The following TMEM231 variants were observed in gnomAD, a reference collection of about 807,000 sequenced individuals.
The protein encoded by TMEM231 is transmembrane protein 231.
In TMEM231, 40 loss-of-function variants were observed where a neutral mutation model predicts 38.5. That is an observed-to-expected ratio of 1.04 (90% CI 0.81 to 1.35). The LOEUF is 1.35. Ranked by LOEUF, TMEM231 falls within the 40% of genes most tolerant of loss-of-function variation. The probability of loss-of-function intolerance (pLI) is 0.00; values close to 1 mark genes in which losing one functional copy is unlikely to be tolerated. For synonymous variants in TMEM231, 199 were observed against 181.7 expected (o/e 1.10, Z -0.77); for missense variants, 420 against 416.9 (o/e 1.01, Z -0.07).
chr16:75,549,579 C>T (rs2080731941), intron 2 of TMEM231, among the ~76,000 whole-genome samples: 1 of 152,198 alleles, frequency 6.6e-6, no homozygotes. Flanking sequence ...TTGCTGACTC[C>T]TGATTCAGGG....
At chr16:75,554,710 C>T (rs1408419453) in intron 2 of TMEM231, among the ~76,000 whole-genome samples, 6 of 152,032 alleles carry the variant, frequency 3.9e-5, no homozygotes, top group Non-Finnish European at 5.9e-5. Flanking sequence ...TTATATCTAC[C>T]TGTAACTCTA....
intron 4 of TMEM231, among the ~76,000 whole-genome samples, chr16:75,543,384 T>G (rs928151782): frequency 6.6e-6 from 1 of 152,042 alleles, no homozygotes; most frequent in African/African-American, 2.4e-5. Flanking sequence ...CTGGCCAACA[T>G]GGTGAAACCC....
chr16:75,546,750 ACT>A (rs2080697654), intron 2 of TMEM231, among the ~76,000 whole-genome samples: 1 of 151,742 alleles, frequency 6.6e-6, no homozygotes, highest in Admixed American at 6.6e-5. Context: ...GCCTTACCAA[ACT>A]CTGTTTATAG....
rs905786494 is a variant in TMEM231, at chr16:75,539,728, C to T, written c.*266G>A. ...ACTGCAATTTTCTCCTGAAATTCAA[C>T]GCTAAGGCAAAGAAGGAAAACCCAA... is the stretch of plus-strand genomic sequence containing the variant. On this transcript the variant is annotated 3_prime_UTR_variant, in exon 7 of 7. Coordinates refer to ENST00000258173, the MANE Select transcript of TMEM231 (RefSeq NM_001077418.3). The T allele has an allele frequency of 4.9e-5, 16 of 327,448 alleles. No individual in the cohort carries two copies. The highest frequency in any genetic ancestry group is 9.6e-5 in the Admixed American group (2 of 20,884). 20.3% of individuals were successfully genotyped at this position (327,448 alleles called of 1,614,324 possible). A position where few individuals can be genotyped will look rare whatever the true frequency, so the allele number is the denominator to read the frequency against.
intron 4 of TMEM231, among the ~76,000 whole-genome samples, chr16:75,544,957 T>C (rs1369659220): frequency 0.012 from 1,641 of 136,076 alleles, 40 homozygotes; most frequent in African/African-American, 0.043. Flanking sequence ...TTCTTTTTTT[T>C]TTTTTTTTTT....
chr16:75,542,375 C>A (rs942289794), intron 5 of TMEM231, among the ~76,000 whole-genome samples: 4 of 151,802 alleles, frequency 2.6e-5, no homozygotes, highest in African/African-American at 9.7e-5. Context: ...GGCATTTAAC[C>A]ATCACTAGCC....
At chr16:75,540,350 G>C (rs907755420) in intron 6 of TMEM231, among the ~76,000 whole-genome samples, 176 bp from the exon 7 acceptor site, 1 of 152,186 alleles carries the variant, frequency 6.6e-6, no homozygotes, top group East Asian at 1.9e-4. Context: ...CATTTGATTT[G>C]AGCTATTTAT....
intron 2 of TMEM231, among the ~76,000 whole-genome samples, chr16:75,550,717 CT>C (rs35806847): frequency 0.014 from 1,932 of 138,728 alleles, 37 homozygotes; most frequent in African/African-American, 0.043. Context: ...AAGTCGTATT[CT>C]TTTTTTTTTT....
At chr16:75,542,203 G>A (rs2080635311) in intron 5 of TMEM231, among the ~76,000 whole-genome samples, 1 of 152,148 alleles carries the variant, frequency 6.6e-6, no homozygotes, top group Non-Finnish European at 1.5e-5. Flanking sequence ...CTGCTAATGT[G>A]GGGAGAGTCA....
intron 4 of TMEM231, among the ~76,000 whole-genome samples, chr16:75,544,808 G>C (rs1049874642): frequency 5.9e-5 from 9 of 152,126 alleles, no homozygotes; most frequent in Non-Finnish European, 8.8e-5. Context: ...GACAAACACA[G>C]ATTTTGTTTC....
intron 2 of TMEM231, among the ~76,000 whole-genome samples, chr16:75,549,945 G>A (rs921266043): frequency 3.9e-5 from 6 of 152,186 alleles, no homozygotes; most frequent in African/African-American, 1.4e-4. Flanking sequence ...CTGACCTTGG[G>A]TGATCTGCCC....
chr16:75,553,321 G>A (rs1363999540), intron 2 of TMEM231, among the ~76,000 whole-genome samples: 1 of 152,190 alleles, frequency 6.6e-6, no homozygotes, highest in Non-Finnish European at 1.5e-5. Context: ...TCCAGACTCT[G>A]TTCACTTCAA....
chr16:75,546,451 G>GT (rs61214082), intron 2 of TMEM231, among the ~76,000 whole-genome samples: 9,654 of 148,486 alleles, frequency 0.065, 1,018 homozygotes, highest in African/African-American at 0.22. Flanking sequence ...ATTTTTTTTT[G>GT]TTTTTTTTTG....
Position 75,547,097 on chromosome 16 carries a change from A to G in TMEM231, c.310-1143T>C, listed in dbSNP as rs551244406. ...ATGATCAGGAAAGCACGGTTACTGA[A>G]AAGTGATCACTGCTGACATGGTCCC... On this transcript the variant is annotated intron_variant, in intron 2 of 6. Coordinates refer to ENST00000258173, the MANE Select transcript of TMEM231 (RefSeq NM_001077418.3). 1.6e-3 allele frequency among the ~76,000 whole-genome samples: 243 copies of G among 152,314 alleles called. 2 individuals carry two copies. The highest frequency in any genetic ancestry group is 5.7e-3 in the African/African-American group (238 of 41,560).
At chr16:75,547,032 C>T (rs2080701284) in intron 2 of TMEM231, among the ~76,000 whole-genome samples, 1 of 152,194 alleles carries the variant, frequency 6.6e-6, no homozygotes, top group African/African-American at 2.4e-5. Context: ...GGTATCCACT[C>T]CTACCATCCA....
chr16:75,544,664 A>G (rs1164423907), intron 4 of TMEM231, among the ~76,000 whole-genome samples: 1 of 152,238 alleles, frequency 6.6e-6, no homozygotes, highest in Admixed American at 6.5e-5. Context: ...AATACTTTAC[A>G]TGAACATTTT....
intron 4 of TMEM231, among the ~76,000 whole-genome samples, chr16:75,544,696 C>G (rs2080662651): frequency 6.6e-6 from 1 of 152,140 alleles, no homozygotes; most frequent in Non-Finnish European, 1.5e-5. Flanking sequence ...TTACAGTGTC[C>G]TTCGGAGTAC....
intron 4 of TMEM231, 68 bp downstream of exon 4, chr16:75,545,284 T>A (rs994637833): frequency 1.3e-6 from 2 of 1,553,934 alleles, no homozygotes; most frequent in African/African-American, 1.4e-5. Context: ...TTCATTCCCC[T>A]CTTTAAAGAA....
intron 2 of TMEM231, among the ~76,000 whole-genome samples, chr16:75,551,933 G>C (rs1013096442): frequency 6.6e-6 from 1 of 150,968 alleles, no homozygotes; most frequent in Non-Finnish European, 1.5e-5. Context: ...CTGCACTCCA[G>C]CCTGGGCAAC....
Sources: allele counts gnomAD v4.1 joint callset (sites outside exome capture counted in the v4.1 genomes callset), GRCh38; gene constraint gnomAD v4.1.1; transcripts MANE v1.5; gene names NCBI Gene and HGNC (gene_info 2026-07-23, HGNC 2026-07-21).